ZFAND3: variants seen among roughly 807,000 people sequenced by gnomAD.
ZFAND3 encodes the protein zinc finger AN1-type containing 3, also known as AN1-type zinc finger protein 3.
ZFAND3 carries 10 observed loss-of-function variants against 29.6 expected under a neutral mutation model. The ratio of observed to expected loss-of-function variants is 0.34; its 90% CI spans 0.21 to 0.57. ZFAND3 has a LOEUF of 0.57. Ranked by LOEUF, ZFAND3 falls within the 20% of genes least tolerant of loss-of-function variation. The probability of loss-of-function intolerance (pLI) is 0.86; values close to 1 mark genes in which losing one functional copy is unlikely to be tolerated. For synonymous variants in ZFAND3, 128 were observed against 112.6 expected (o/e 1.14, Z -0.87); for missense variants, 230 against 304.5 (o/e 0.76, Z 1.82).
chr6:38,090,218 TC>T (rs1035416465), intron 4 of ZFAND3, among the ~76,000 whole-genome samples: 4 of 152,210 alleles, frequency 2.6e-5, no homozygotes, highest in African/African-American at 7.2e-5. Flanking sequence ...TGTTGGTCCT[TC>T]AGGTATAGCT....
At chr6:38,045,853 T>C (rs1350052248) in intron 2 of ZFAND3, among the ~76,000 whole-genome samples, 1 of 152,190 alleles carries the variant, frequency 6.6e-6, no homozygotes, top group African/African-American at 2.4e-5. Context: ...TTAAAGACAG[T>C]GCAGATTGAA....
intron 2 of ZFAND3, among the ~76,000 whole-genome samples, chr6:37,996,047 T>G (rs1762843241): frequency 6.6e-6 from 1 of 151,716 alleles, no homozygotes; most frequent in African/African-American, 2.4e-5. Context: ...GAGAATCGCT[T>G]GAACCTGGGA....
intron 1 of ZFAND3, among the ~76,000 whole-genome samples, chr6:37,853,565 A>G (rs1764322548): frequency 6.6e-6 from 1 of 152,168 alleles, no homozygotes; most frequent in African/African-American, 2.4e-5. Flanking sequence ...TTTTAATCAT[A>G]CTCACAACAT....
intron 5 of ZFAND3, among the ~76,000 whole-genome samples, chr6:38,117,255 CCTTTTTT>C (rs374214488): frequency 0.034 from 4,243 of 123,314 alleles, 158 homozygotes; most frequent in African/African-American, 0.1. Context: ...CTTGAAATAG[CCTTTTTT>C]TTTTTTTTTT....
chr6:37,943,429 C>T (rs1475445962), intron 2 of ZFAND3, among the ~76,000 whole-genome samples: 1 of 152,150 alleles, frequency 6.6e-6, no homozygotes, highest in Non-Finnish European at 1.5e-5. Flanking sequence ...TGTTTGATAT[C>T]TGTAGAGAAC....
chr6:37,967,626 C>A (rs1470116290), intron 2 of ZFAND3, among the ~76,000 whole-genome samples: 1 of 152,172 alleles, frequency 6.6e-6, no homozygotes, highest in Non-Finnish European at 1.5e-5. Flanking sequence ...TGAATTAATA[C>A]TGATAACTCC....
intron 1 of ZFAND3, among the ~76,000 whole-genome samples, chr6:37,864,936 T>C (rs1764562085): frequency 1.3e-5 from 2 of 152,106 alleles, no homozygotes; most frequent in African/African-American, 4.8e-5. Flanking sequence ...TCCCAGCACT[T>C]TGGGAGGCCA....
At chr6:38,035,648 T>C (rs1763643151) in intron 2 of ZFAND3, among the ~76,000 whole-genome samples, 1 of 152,204 alleles carries the variant, frequency 6.6e-6, no homozygotes, top group Admixed American at 6.5e-5. Context: ...GCCTTTTCTT[T>C]TTCTGTAATA....
intron 5 of ZFAND3, among the ~76,000 whole-genome samples, chr6:38,128,942 C>T (rs1322764475): frequency 3.3e-5 from 5 of 151,990 alleles, no homozygotes; most frequent in African/African-American, 1.2e-4. Flanking sequence ...GTAGTTGTAC[C>T]ACCAGCAGTG....
intron 3 of ZFAND3, chr6:38,062,699 A>G (rs1298063028): frequency 6.6e-6 from 1 of 152,202 alleles, no homozygotes. Flanking sequence ...TTATAATGTC[A>G]TAATATACAT....
In ZFAND3 at chr6:38,039,070, G is replaced by C. The variant is rs181796986; in HGVS notation, c.113-22523G>C. On this transcript the variant is annotated intron_variant, in intron 2 of 5. Transcript: ENST00000287218. The stretch of plus-strand genomic sequence containing the variant: ...ACCATACTATACTGTTAGTGTTCCA[G>C]AATTTCTCAAGTTTGAGAAACCTTG... 3.3e-5 allele frequency among the ~76,000 whole-genome samples: 5 copies of C among 152,292 alleles called. No homozygotes were observed. In the East Asian group the frequency reaches 9.6e-4, roughly 29 times the overall value.
intron 2 of ZFAND3, among the ~76,000 whole-genome samples, chr6:37,951,148 A>G (rs550668005): frequency 6.6e-6 from 1 of 152,172 alleles, no homozygotes; most frequent in Admixed American, 6.5e-5. Context: ...TAGAAATGGG[A>G]TTGCAGTCTT....
At chr6:37,985,527 A>ACACACACCC (rs753070737) in intron 2 of ZFAND3, among the ~76,000 whole-genome samples, 1 of 141,656 alleles carries the variant, frequency 7.1e-6, no homozygotes, top group Non-Finnish European at 1.6e-5. Context: ...ACACACACAC[A>ACACACACCC]CCCCCACACA....
rs115223501 is a variant in ZFAND3 at position 38,072,627 on chromosome 6, T to G, written c.296-9765T>G. On this transcript the variant is annotated intron_variant, in intron 3 of 5. Transcript: ENST00000287218. Reference sequence around the variant, plus strand: ...TTTTAAATTAAATCTAAGCTTTATTTATGACAAAAATGTTTGGCTGAAAAA... The same window carrying G: ...TTTTAAATTAAATCTAAGCTTTATTGATGACAAAAATGTTTGGCTGAAAAA... 8.3e-3 allele frequency among the ~76,000 whole-genome samples: 1,260 copies of G among 152,240 alleles called. 10 individuals carry two copies. Among genetic ancestry groups the G allele is most frequent in the Middle Eastern group, 0.02 (6 of 294 alleles).
chr6:37,828,132 T>G, intron 1 of ZFAND3, among the ~76,000 whole-genome samples: 1 of 152,192 alleles, frequency 6.6e-6, no homozygotes, highest in East Asian at 1.9e-4. Context: ...ATAATCACAC[T>G]CACAGCCACA....
Position 37,824,088 on chromosome 6 carries a change from C to T in ZFAND3, c.71+4072C>T, listed in dbSNP as rs544269220. On this transcript the variant is annotated intron_variant, in intron 1 of 5. Coordinates refer to ENST00000287218, the MANE Select transcript of ZFAND3 (RefSeq NM_021943.3). ...ACCGCGCCTGGCCGGTATATATTAACGTCATATTTTTAGGATTAAAACAAA... is the reference window on the plus strand; with the variant it reads ...ACCGCGCCTGGCCGGTATATATTAATGTCATATTTTTAGGATTAAAACAAA... Among the ~76,000 whole-genome samples the T allele has an allele frequency of 1.1e-4, 17 of 152,266 alleles. No homozygotes were observed. The East Asian group carries it at 2.1e-3, about 19-fold the overall frequency.
intron 1 of ZFAND3, among the ~76,000 whole-genome samples, chr6:37,839,135 C>G (rs1764022170): frequency 6.6e-6 from 1 of 151,894 alleles, no homozygotes; most frequent in Non-Finnish European, 1.5e-5. Context: ...AAATATTTTG[C>G]ATGTTTTAAA....
At chr6:38,133,888 C>T (rs1368998624) in intron 5 of ZFAND3, among the ~76,000 whole-genome samples, 1 of 152,190 alleles carries the variant, frequency 6.6e-6, no homozygotes, top group Non-Finnish European at 1.5e-5. Context: ...AACCCCACCA[C>T]TTTTTCATAT....
intron 1 of ZFAND3, among the ~76,000 whole-genome samples, chr6:37,906,661 G>T (rs1049832154): frequency 6.7e-6 from 1 of 149,592 alleles, no homozygotes; most frequent in African/African-American, 2.5e-5. Flanking sequence ...ATGTATGAGG[G>T]TTCCAGTTTC....
Sources: allele counts gnomAD v4.1 joint callset (sites outside exome capture counted in the v4.1 genomes callset), GRCh38; gene constraint gnomAD v4.1.1; transcripts MANE v1.5; gene names NCBI Gene and HGNC (gene_info 2026-07-23, HGNC 2026-07-21).